ADAMTSL1: variants seen among roughly 807,000 people sequenced by gnomAD.
The protein encoded by ADAMTSL1 is ADAMTS like 1, also known as ADAMTS-like protein 1.
ADAMTSL1 carries 126 observed loss-of-function variants against 201.8 expected under a neutral mutation model. The observed-to-expected ratio is 0.62, with a 90% confidence interval of 0.54 to 0.72. ADAMTSL1 has a LOEUF of 0.72. Among genes scored for constraint, ADAMTSL1 ranks in the 30% least tolerant of loss-of-function variants. The pLI, the probability that ADAMTSL1 is intolerant of heterozygous loss-of-function variation, is 0.00. For synonymous variants in ADAMTSL1, 1,121 were observed against 903.4 expected (o/e 1.24, Z -4.32); for missense variants, 2,679 against 2,277.8 (o/e 1.18, Z -3.59).
chr9:18,658,005 C>G (rs866860046), intron 8 of ADAMTSL1, among the ~76,000 whole-genome samples: 1 of 147,660 alleles, frequency 6.8e-6, no homozygotes, highest in Non-Finnish European at 1.5e-5. Context: ...GACAGAGTCT[C>G]GCACTGTCGC....
Position 18,904,633 on chromosome 9 carries a change from C to CAAAAAAAAAAAAAAA in ADAMTSL1, c.4852-1124_4852-1110dup, listed in dbSNP as rs71333072. 4.0e-4 allele frequency among the ~76,000 whole-genome samples: 6 copies of CAAAAAAAAAAAAAAA among 14,986 alleles called. 1 individual carries two copies. Among genetic ancestry groups the CAAAAAAAAAAAAAAA allele is most frequent in the Non-Finnish European group, 4.8e-4 (4 of 8,420 alleles). 9.8% of individuals were successfully genotyped at this position (14,986 alleles called of 152,430 possible). On this transcript the variant is annotated intron_variant, in intron 26 of 28. Coordinates refer to ENST00000380548, the MANE Select transcript of ADAMTSL1 (RefSeq NM_001040272.6). ...TGGGCAACAGAAAGAGACCCTGCCT[C>CAAAAAAAAAAAAAAA]AAAAAAAAAAAAAAAAAAAAAAAAA...
chr9:17,962,054 G>A (rs1047020282), intron 1 of ADAMTSL1, among the ~76,000 whole-genome samples: 7 of 152,200 alleles, frequency 4.6e-5, no homozygotes, highest in African/African-American at 1.7e-4. Flanking sequence ...AGAAAAAAGA[G>A]TTGCTTAGAG....
intron 13 of ADAMTSL1, among the ~76,000 whole-genome samples, chr9:18,693,633 C>T (rs1224356714): frequency 6.6e-6 from 1 of 152,194 alleles, no homozygotes; most frequent in Non-Finnish European, 1.5e-5. Context: ...AGAATAAGCA[C>T]AGTACCAAGT....
At chr9:18,416,988 C>T (rs767468430) in intron 2 of ADAMTSL1, among the ~76,000 whole-genome samples, 2 of 151,868 alleles carry the variant, frequency 1.3e-5, no homozygotes, top group Non-Finnish European at 2.9e-5. Context: ...GTGTAGATGG[C>T]ACAATTACCT....
chr9:18,631,304 A>G (rs1432707426), intron 5 of ADAMTSL1, among the ~76,000 whole-genome samples: 1 of 152,180 alleles, frequency 6.6e-6, no homozygotes, highest in African/African-American at 2.4e-5. Flanking sequence ...TATATCTTCT[A>G]TTGTGCAATT....
chr9:18,060,466 G>A (rs1262488008), intron 1 of ADAMTSL1, among the ~76,000 whole-genome samples: 2 of 152,150 alleles, frequency 1.3e-5, no homozygotes, highest in African/African-American at 4.8e-5. Flanking sequence ...GTCAGAGTCT[G>A]TATGATTATC....
intron 1 of ADAMTSL1, among the ~76,000 whole-genome samples, chr9:18,133,993 A>G (rs567527728): frequency 1.4e-4 from 22 of 152,322 alleles, no homozygotes; most frequent in African/African-American, 5.3e-4. Flanking sequence ...AGAAGATGGA[A>G]TAACAGTAAC....
At chr9:18,465,575 C>T (rs1820971562) in intron 2 of ADAMTSL1, among the ~76,000 whole-genome samples, 1 of 152,146 alleles carries the variant, frequency 6.6e-6, no homozygotes, top group Non-Finnish European at 1.5e-5. Flanking sequence ...GAATTACACC[C>T]ACTTGCTCCA....
At chr9:18,586,515 T>C (rs1230856886) in intron 4 of ADAMTSL1, among the ~76,000 whole-genome samples, 2 of 152,118 alleles carry the variant, frequency 1.3e-5, no homozygotes, top group African/African-American at 4.8e-5. Context: ...ATAGCCATAC[T>C]GCCTAAAGCA....
chr9:18,703,532 T>C (rs1361119221), intron 13 of ADAMTSL1, among the ~76,000 whole-genome samples: 2 of 151,806 alleles, frequency 1.3e-5, no homozygotes, highest in Non-Finnish European at 2.9e-5. Flanking sequence ...TTTTAATTGG[T>C]GTGAACTCGA....
intron 13 of ADAMTSL1, among the ~76,000 whole-genome samples, chr9:18,685,122 A>G (rs1830748287): frequency 6.6e-6 from 1 of 152,256 alleles, no homozygotes; most frequent in Non-Finnish European, 1.5e-5. Context: ...GATATAACAT[A>G]GATTTGATGC....
intron 2 of ADAMTSL1, among the ~76,000 whole-genome samples, chr9:18,528,858 C>A (rs1238941540): frequency 6.6e-6 from 1 of 152,090 alleles, no homozygotes; most frequent in Non-Finnish European, 1.5e-5. Context: ...TTGTCTATAG[C>A]TTTTCTCAGA....
At chr9:18,413,473 G>A (rs1818540578) in intron 2 of ADAMTSL1, among the ~76,000 whole-genome samples, 1 of 152,036 alleles carries the variant, frequency 6.6e-6, no homozygotes, top group South Asian at 2.1e-4. Flanking sequence ...CCAGGATAAT[G>A]TTTTCTTTTT....
intron 2 of ADAMTSL1, among the ~76,000 whole-genome samples, chr9:18,251,992 A>G (rs1831481219): frequency 6.6e-6 from 1 of 152,128 alleles, no homozygotes; most frequent in Admixed American, 6.5e-5. Flanking sequence ...TAAAGATATA[A>G]ATATAAAATA....
At chr9:18,582,634 G>A (rs1404650431) in intron 4 of ADAMTSL1, among the ~76,000 whole-genome samples, 1 of 151,998 alleles carries the variant, frequency 6.6e-6, no homozygotes, top group Non-Finnish European at 1.5e-5. Context: ...GGATCATGAG[G>A]TCAGGAGATT....
intron 2 of ADAMTSL1, among the ~76,000 whole-genome samples, chr9:18,360,913 C>T (rs1222499815): frequency 6.6e-6 from 1 of 152,124 alleles, no homozygotes; most frequent in Non-Finnish European, 1.5e-5. Flanking sequence ...TTCCCATCTC[C>T]TGCTTTCCCT....
chr9:18,078,760 C>A (rs185951225), intron 1 of ADAMTSL1, among the ~76,000 whole-genome samples: 1 of 152,210 alleles, frequency 6.6e-6, no homozygotes, highest in East Asian at 1.9e-4. Flanking sequence ...CCCAGTCCAC[C>A]CATATTCTCT....
intron 26 of ADAMTSL1, among the ~76,000 whole-genome samples, chr9:18,893,911 A>G (rs1829452235): frequency 6.6e-6 from 1 of 152,264 alleles, no homozygotes; most frequent in South Asian, 2.1e-4. Context: ...ATCTGGCTTC[A>G]TGTAATAATT....
intron 2 of ADAMTSL1, among the ~76,000 whole-genome samples, chr9:18,520,244 C>T (rs907790335): frequency 3.9e-5 from 6 of 152,100 alleles, no homozygotes; most frequent in Non-Finnish European, 7.3e-5. Flanking sequence ...TCCATATGGT[C>T]GAGAGAAGAT....
Sources: allele counts gnomAD v4.1 joint callset (sites outside exome capture counted in the v4.1 genomes callset), GRCh38; gene constraint gnomAD v4.1.1; transcripts MANE v1.5; gene names NCBI Gene and HGNC (gene_info 2026-07-23, HGNC 2026-07-21).